CTNNA2: variants seen among roughly 807,000 people sequenced by gnomAD.
The protein encoded by CTNNA2 is catenin alpha 2, also known as catenin alpha-2.
A neutral mutation model predicts 101.0 loss-of-function variants in CTNNA2; 42 were observed. That is an observed-to-expected ratio of 0.42 (90% CI 0.32 to 0.54). The LOEUF (loss-of-function observed/expected upper bound fraction) is 0.54, where lower values mean the gene tolerates loss of function less well. Ranked by LOEUF, CTNNA2 falls within the 20% of genes least tolerant of loss-of-function variation. The probability of loss-of-function intolerance (pLI) is 0.14; values close to 1 mark genes in which losing one functional copy is unlikely to be tolerated. For synonymous variants in CTNNA2, 450 were observed against 456.4 expected (o/e 0.99, Z 0.18); for missense variants, 871 against 1,223.1 (o/e 0.71, Z 4.29).
chr2:79,957,411 C>A (rs763864409), intron 7 of CTNNA2, among the ~76,000 whole-genome samples: 2 of 152,126 alleles, frequency 1.3e-5, no homozygotes, highest in Non-Finnish European at 2.9e-5. Flanking sequence ...TGGAGGAGGG[C>A]GCAAGGAGAG....
intron 7 of CTNNA2, among the ~76,000 whole-genome samples, chr2:80,127,815 G>A (rs1005893929): frequency 6.6e-6 from 1 of 152,134 alleles, no homozygotes; most frequent in African/African-American, 2.4e-5. Flanking sequence ...ATCAATTAGT[G>A]TAGGATTTGC....
intron 4 of CTNNA2, among the ~76,000 whole-genome samples, chr2:79,461,262 G>A (rs557524589): frequency 1.3e-5 from 2 of 152,210 alleles, no homozygotes; most frequent in Non-Finnish European, 2.9e-5. Context: ...CACAAGAAAT[G>A]TGCTTGTTCT....
chr2:80,054,900 A>G (rs927638475), intron 7 of CTNNA2, among the ~76,000 whole-genome samples: 1 of 152,094 alleles, frequency 6.6e-6, no homozygotes, highest in Non-Finnish European at 1.5e-5. Flanking sequence ...TTAGTTTCCC[A>G]TCTTAATAGG....
intron 7 of CTNNA2, among the ~76,000 whole-genome samples, chr2:80,012,320 T>C (rs1693848656): frequency 1.3e-5 from 2 of 152,200 alleles, no homozygotes; most frequent in Non-Finnish European, 2.9e-5. Flanking sequence ...GAATGCATTC[T>C]GTCAAGATAA....
intron 1 of CTNNA2, among the ~76,000 whole-genome samples, chr2:79,562,076 A>C (rs184987360): frequency 6.6e-6 from 1 of 152,014 alleles, no homozygotes. Context: ...TTCTTCTGAG[A>C]GTTTTCTAGT....
chr2:79,772,177 A>G (rs1444810925), intron 3 of CTNNA2, among the ~76,000 whole-genome samples: 3 of 151,978 alleles, frequency 2.0e-5, no homozygotes, highest in East Asian at 3.9e-4. Flanking sequence ...TTAACTGCCT[A>G]CAACATGACA....
intron 9 of CTNNA2, among the ~76,000 whole-genome samples, chr2:80,488,317 G>T (rs1559150429): frequency 1.3e-5 from 2 of 151,044 alleles, no homozygotes; most frequent in Non-Finnish European, 1.5e-5. Context: ...ATTTATTTTT[G>T]TTTTTTTTCC....
chr2:79,759,686 G>A (rs1187345534), intron 3 of CTNNA2, among the ~76,000 whole-genome samples: 1 of 151,496 alleles, frequency 6.6e-6, no homozygotes, highest in Non-Finnish European at 1.5e-5. Flanking sequence ...ATATCTTCTT[G>A]GAATTCTATT....
chr2:80,407,777 T>C (rs1371221745), intron 8 of CTNNA2, among the ~76,000 whole-genome samples: 1 of 152,172 alleles, frequency 6.6e-6, no homozygotes, highest in African/African-American at 2.4e-5. Context: ...TGGGCTTCTA[T>C]CTGAAATGAA....
chr2:80,079,851 A>ATAAAATAAAAT (rs1699018505), intron 7 of CTNNA2, among the ~76,000 whole-genome samples: 1 of 141,504 alleles, frequency 7.1e-6, no homozygotes, highest in Non-Finnish European at 1.5e-5. Context: ...ATAAAATAAA[A>ATAAAATAAAAT]TAAAATAAAA....
intron 12 of CTNNA2, among the ~76,000 whole-genome samples, chr2:80,566,175 C>T (rs1354214755): frequency 1.3e-5 from 2 of 152,148 alleles, no homozygotes; most frequent in African/African-American, 2.4e-5. Flanking sequence ...TAACTTGCCA[C>T]GTGGGCTTTT....
chr2:79,922,516 C>T (rs927284260), intron 7 of CTNNA2, among the ~76,000 whole-genome samples: 1 of 152,054 alleles, frequency 6.6e-6, no homozygotes, highest in Admixed American at 6.6e-5. Flanking sequence ...CTTCTTATTA[C>T]AGACATTGCC....
chr2:80,246,493 T>G (rs1436766614), intron 7 of CTNNA2, among the ~76,000 whole-genome samples: 1 of 152,162 alleles, frequency 6.6e-6, no homozygotes, highest in Non-Finnish European at 1.5e-5. Flanking sequence ...ATATAGAAAA[T>G]AATCAGAGCA....
intron 7 of CTNNA2, among the ~76,000 whole-genome samples, chr2:79,967,891 C>T (rs1233889605): frequency 7.9e-5 from 12 of 151,968 alleles, no homozygotes; most frequent in Non-Finnish European, 2.9e-5. Flanking sequence ...AATGAATAAC[C>T]AATATATACT....
At chr2:79,702,899 C>G (rs1685105967) in intron 2 of CTNNA2, among the ~76,000 whole-genome samples, 1 of 152,184 alleles carries the variant, frequency 6.6e-6, no homozygotes, top group African/African-American at 2.4e-5. Context: ...ATGTTAACTT[C>G]TGGGTCCTAA....
At chr2:80,062,211 A>G (rs1697645756) in intron 7 of CTNNA2, among the ~76,000 whole-genome samples, 1 of 152,242 alleles carries the variant, frequency 6.6e-6, no homozygotes, top group Admixed American at 6.5e-5. Context: ...AAAAAATGCC[A>G]GTGTTTCTTC....
chr2:79,427,984 C>T (rs1678610814), intron 4 of CTNNA2, among the ~76,000 whole-genome samples: 1 of 152,124 alleles, frequency 6.6e-6, no homozygotes, highest in Non-Finnish European at 1.5e-5. Context: ...GTCTTAAATT[C>T]CATCAGCCTC....
intron 7 of CTNNA2, among the ~76,000 whole-genome samples, chr2:79,967,158 G>T (rs899672717): frequency 3.3e-5 from 5 of 151,970 alleles, no homozygotes; most frequent in African/African-American, 1.2e-4. Context: ...GCATAGTTGA[G>T]CTTTCTAGTG....
chr2:79,684,283 C>T (rs1477492414), intron 2 of CTNNA2, among the ~76,000 whole-genome samples: 1 of 152,120 alleles, frequency 6.6e-6, no homozygotes, highest in African/African-American at 2.4e-5. Flanking sequence ...ATGATATTTT[C>T]TATTCTATCT....
Sources: allele counts gnomAD v4.1 joint callset (sites outside exome capture counted in the v4.1 genomes callset), GRCh38; gene constraint gnomAD v4.1.1; transcripts MANE v1.5; gene names NCBI Gene and HGNC (gene_info 2026-07-23, HGNC 2026-07-21).